The following CHRM3 variants were observed in gnomAD, a reference collection of about 807,000 sequenced individuals.
CHRM3 encodes the protein cholinergic receptor muscarinic 3, also known as muscarinic acetylcholine receptor M3.
In CHRM3, 11 loss-of-function variants were observed where a neutral mutation model predicts 41.8. That is an observed-to-expected ratio of 0.26 (90% CI 0.17 to 0.44). The LOEUF (loss-of-function observed/expected upper bound fraction) is 0.44. CHRM3 is among the 20% of genes least tolerant of loss of function. The pLI, the probability that CHRM3 is intolerant of heterozygous loss-of-function variation, is 1.00. For missense variants in CHRM3, 571 were observed against 745.4 expected, an observed-to-expected ratio of 0.77 and a Z score of 2.72; for synonymous variants, 297 against 301.4, an observed-to-expected ratio of 0.99 and a Z score of 0.15.
chr1:239,498,011 A>G (rs10925891), intron 2 of CHRM3, among the ~76,000 whole-genome samples: 1,983 of 152,314 alleles, frequency 0.013, 36 homozygotes, highest in South Asian at 0.038. Flanking sequence ...GTAACTTACT[A>G]ACAATAATTT....
At chr1:239,419,527 G>A (rs1661769419) in intron 1 of CHRM3, among the ~76,000 whole-genome samples, 1 of 152,094 alleles carries the variant, frequency 6.6e-6, no homozygotes, top group Non-Finnish European at 1.5e-5. Context: ...TTTGATGTCA[G>A]GAAGTCACAA....
chr1:239,793,184 G>A (rs1669487267), intron 5 of CHRM3, among the ~76,000 whole-genome samples: 1 of 152,202 alleles, frequency 6.6e-6, no homozygotes, highest in South Asian at 2.1e-4. Context: ...CATTCTAAAA[G>A]GTGTTGTATT....
chr1:239,430,626 A>T (rs749214381), intron 1 of CHRM3, among the ~76,000 whole-genome samples: 12 of 151,982 alleles, frequency 7.9e-5, no homozygotes, highest in Non-Finnish European at 1.8e-4. Flanking sequence ...ACCTAAAATC[A>T]CAAGATTTTT....
intron 2 of CHRM3, among the ~76,000 whole-genome samples, chr1:239,500,254 T>G (rs187228621): frequency 6.6e-6 from 1 of 152,280 alleles, no homozygotes; most frequent in East Asian, 1.9e-4. Flanking sequence ...TAAGAAAATG[T>G]GGCACATATA....
At chr1:239,677,187 A>G (rs758798003) in intron 4 of CHRM3, among the ~76,000 whole-genome samples, 5 of 152,060 alleles carry the variant, frequency 3.3e-5, no homozygotes, top group Non-Finnish European at 5.9e-5. Flanking sequence ...AATGGGGGTG[A>G]TCTACATCTA....
chr1:239,411,974 T>A (rs1661110331), intron 1 of CHRM3, among the ~76,000 whole-genome samples: 1 of 151,770 alleles, frequency 6.6e-6, no homozygotes, highest in African/African-American at 2.4e-5. Flanking sequence ...TGTGTTTTGC[T>A]TTTTGGCTTT....
intron 2 of CHRM3, among the ~76,000 whole-genome samples, chr1:239,503,941 AAT>A (rs1205024858): frequency 6.6e-6 from 1 of 152,204 alleles, no homozygotes; most frequent in African/African-American, 2.4e-5. Context: ...ACTTAAATCT[AAT>A]ACCTGAAACT....
At chr1:239,402,681 C>G (rs909387872) in intron 1 of CHRM3, among the ~76,000 whole-genome samples, 1 of 152,158 alleles carries the variant, frequency 6.6e-6, no homozygotes, top group Middle Eastern at 3.2e-3. Flanking sequence ...GGCCTGAAGT[C>G]CTCAGGAAAA....
At chr1:239,744,728 A>G (rs2148527282) in intron 5 of CHRM3, among the ~76,000 whole-genome samples, 1 of 152,272 alleles carries the variant, frequency 6.6e-6, no homozygotes, top group East Asian at 1.9e-4. Flanking sequence ...GCACATAGGT[A>G]GATGTAAGAG....
chr1:239,460,099 AATC>A (rs1477905523), intron 1 of CHRM3, among the ~76,000 whole-genome samples: 1 of 152,180 alleles, frequency 6.6e-6, no homozygotes, highest in Non-Finnish European at 1.5e-5. Flanking sequence ...AGATTGAAAC[AATC>A]ATAGTCCGGC....
intron 1 of CHRM3, among the ~76,000 whole-genome samples, chr1:239,476,773 AAAT>A (rs1666498680): frequency 6.6e-6 from 1 of 152,200 alleles, no homozygotes; most frequent in Non-Finnish European, 1.5e-5. Flanking sequence ...TGACATTTTC[AAAT>A]AATATGCTCA....
intron 3 of CHRM3, among the ~76,000 whole-genome samples, chr1:239,550,714 T>C (rs1209956682): frequency 6.6e-6 from 1 of 152,168 alleles, no homozygotes; most frequent in Admixed American, 6.5e-5. Flanking sequence ...TTTGAAAATG[T>C]GTATCTGACT....
intron 6 of CHRM3, among the ~76,000 whole-genome samples, chr1:239,898,766 G>A (rs1041617613): frequency 6.6e-6 from 1 of 152,082 alleles, no homozygotes; most frequent in African/African-American, 2.4e-5. Flanking sequence ...ATAACCAGAA[G>A]CCTCACATGT....
At chr1:239,890,525 A>G (rs1215928603) in intron 6 of CHRM3, among the ~76,000 whole-genome samples, 1 of 152,128 alleles carries the variant, frequency 6.6e-6, no homozygotes. Flanking sequence ...TGAATTACTG[A>G]ATTATTATAA....
At chr1:239,691,606 T>C (rs144914432) in intron 5 of CHRM3, among the ~76,000 whole-genome samples, 4 of 152,276 alleles carry the variant, frequency 2.6e-5, no homozygotes, top group Non-Finnish European at 5.9e-5. Flanking sequence ...TATCTGGAGA[T>C]CTTATCATAT....
chr1:239,730,416 G>A (rs945964631), intron 5 of CHRM3: 8 of 152,118 alleles, frequency 5.3e-5, no homozygotes, highest in East Asian at 3.9e-4. Context: ...ATGTGATGTC[G>A]TGGAGGTCTG....
intron 5 of CHRM3, among the ~76,000 whole-genome samples, chr1:239,689,006 T>C (rs1172756356): frequency 6.6e-6 from 1 of 150,690 alleles, no homozygotes; most frequent in Non-Finnish European, 1.5e-5. Flanking sequence ...TATATGACTT[T>C]GGCTTGCAGT....
chr1:239,907,409 C>T lies in CHRM3; in HGVS notation c.-19-24C>T. The T allele has an allele frequency of 2.6e-6, 4 of 1,557,446 alleles. No homozygotes were observed. The highest frequency in any genetic ancestry group is 1.9e-5 in the Admixed American group (1 of 53,070). On this transcript the variant is annotated intron_variant, in intron 6 of 6. Transcript: ENST00000676153. This position sits in a 1 kb window ranked among gnomAD's most constrained non-coding sequence, Gnocchi z 5.4. ...AATAAAGGCAGAAATTTTTCTAACT[C>T]TGTCTCTTCTCTCTTTCCCCCAGAC...
At chr1:239,807,818 GCA>G (rs57650107) in intron 5 of CHRM3, among the ~76,000 whole-genome samples, 4,106 of 148,098 alleles carry the variant, frequency 0.028, 92 homozygotes, top group Middle Eastern at 0.055. Flanking sequence ...TTTGCTTTGC[GCA>G]CACACACACA....
Sources: allele counts gnomAD v4.1 joint callset (sites outside exome capture counted in the v4.1 genomes callset), GRCh38; gene constraint gnomAD v4.1.1; non-coding constraint Gnocchi (gnomAD v3.1); transcripts MANE v1.5; gene names NCBI Gene and HGNC (gene_info 2026-07-23, HGNC 2026-07-21).